The following IL1RAPL1 variants were observed in gnomAD, a reference collection of about 807,000 sequenced individuals.
IL1RAPL1 encodes the protein interleukin-1 receptor accessory protein-like 1.
In IL1RAPL1, 3 loss-of-function variants were observed where a neutral mutation model predicts 48.4. The observed-to-expected ratio is 0.06, with a 90% CI of 0.03 to 0.16. The LOEUF (loss-of-function observed/expected upper bound fraction) is 0.16. Ranked by LOEUF, IL1RAPL1 falls within the 10% of genes least tolerant of loss-of-function variation. IL1RAPL1 has a pLI of 1.00. For synonymous variants in IL1RAPL1, 185 were observed against 187.7 expected (o/e 0.99, Z 0.12); for missense variants, 349 against 530.6 (o/e 0.66, Z 3.36).
chrX:29,884,873 T>C (rs1233116453), intron 6 of IL1RAPL1, among the ~76,000 whole-genome samples: 2 of 111,526 alleles, frequency 1.8e-5, no homozygotes, highest in Non-Finnish European at 3.8e-5. Context: ...TTTTCATGCC[T>C]CTCACTTGAA....
At chrX:29,064,376 T>C (rs1473883940) in intron 2 of IL1RAPL1, among the ~76,000 whole-genome samples, 1 of 111,352 alleles carries the variant, frequency 9.0e-6, no homozygotes, top group Non-Finnish European at 1.9e-5. Flanking sequence ...CTTGTTTTTT[T>C]ATTATTTACA....
intron 5 of IL1RAPL1, among the ~76,000 whole-genome samples, chrX:29,538,636 C>T (rs373479210): frequency 4.5e-5 from 3 of 66,274 alleles, no homozygotes; most frequent in African/African-American, 2.2e-4. Context: ...CTGCTCCTGG[C>T]CAAGGTTTTT....
At chrX:29,424,318 GA>G (rs10711871) in intron 5 of IL1RAPL1, among the ~76,000 whole-genome samples, 4,283 of 98,224 alleles carry the variant, frequency 0.044, 257 homozygotes, top group African/African-American at 0.15. Context: ...AGGCTGGAAA[GA>G]AAAAAAAAAA....
intron 1 of IL1RAPL1, among the ~76,000 whole-genome samples, chrX:28,768,743 C>A (rs868130676): frequency 4.3e-5 from 3 of 69,411 alleles, no homozygotes; most frequent in African/African-American, 1.2e-4. Context: ...CTCTCTCTCT[C>A]TCTCTCTCTC....
chrX:29,580,474 C>G (rs910836608), intron 5 of IL1RAPL1, among the ~76,000 whole-genome samples: 31 of 111,695 alleles, frequency 2.8e-4, no homozygotes, highest in South Asian at 7.5e-4. Flanking sequence ...TGTTCTCTTA[C>G]AGTATTTTCC....
intron 5 of IL1RAPL1, among the ~76,000 whole-genome samples, chrX:29,439,851 GTTTT>G (rs760458968): frequency 3.3e-5 from 2 of 59,865 alleles, no homozygotes; most frequent in African/African-American, 7.1e-5. Context: ...TGTTTGTTTG[GTTTT>G]TTTTTTTTTT....
At chrX:28,867,836 A>C (rs7058621) in intron 2 of IL1RAPL1, among the ~76,000 whole-genome samples, 1 of 111,024 alleles carries the variant, frequency 9.0e-6, no homozygotes, top group Non-Finnish European at 1.9e-5. Flanking sequence ...CTTTACTTTC[A>C]GGGATTGCTT....
chrX:29,872,106 A>G (rs1931811877), intron 6 of IL1RAPL1, among the ~76,000 whole-genome samples: 1 of 111,982 alleles, frequency 8.9e-6, no homozygotes, highest in Admixed American at 9.5e-5. Context: ...AACCATCTGC[A>G]AGAAGAAGAA....
intron 5 of IL1RAPL1, among the ~76,000 whole-genome samples, chrX:29,552,168 C>T (rs1398171292): frequency 9.0e-6 from 1 of 111,218 alleles, no homozygotes; most frequent in Non-Finnish European, 1.9e-5. Flanking sequence ...TCCACCTCCC[C>T]TCCCCTTATG....
chrX:28,724,383 T>G (rs1291809742), intron 1 of IL1RAPL1, among the ~76,000 whole-genome samples: 1 of 111,624 alleles, frequency 9.0e-6, no homozygotes, highest in Admixed American at 9.5e-5. Flanking sequence ...TTTGTTGGTT[T>G]AAAGTCTGTT....
chrX:29,756,274 A>G (rs1928611212), intron 6 of IL1RAPL1, among the ~76,000 whole-genome samples: 1 of 112,178 alleles, frequency 8.9e-6, no homozygotes, highest in African/African-American at 3.2e-5. Flanking sequence ...ATGTTTGTAT[A>G]TGGGAAAATT....
In IL1RAPL1 at chrX:29,264,888, A is replaced by G. The variant is rs1038364896; in HGVS notation, c.83-18050A>G. ...GCTTTTGGTTTCATTAATTTTCTTT[A>G]TTGTAGAGTTCTGTTTCTTTAATTT... On this transcript the variant is annotated intron_variant, in intron 2 of 10. Coordinates refer to ENST00000378993, the MANE Select transcript of IL1RAPL1 (RefSeq NM_014271.4). Among the ~76,000 whole-genome samples the G allele has an allele frequency of 5.4e-5, 6 of 110,685 alleles. No individual in the cohort carries two copies. The Admixed American group carries it at 5.8e-4, about 11-fold the overall frequency.
chrX:29,196,630 C>G (rs909749679), intron 2 of IL1RAPL1, among the ~76,000 whole-genome samples: 1 of 110,649 alleles, frequency 9.0e-6, no homozygotes, highest in Non-Finnish European at 1.9e-5. Context: ...GACCTGGCAT[C>G]AGACTTACCC....
intron 8 of IL1RAPL1, among the ~76,000 whole-genome samples, chrX:29,937,370 C>A (rs1451463308): frequency 8.9e-6 from 1 of 112,059 alleles, no homozygotes; most frequent in African/African-American, 3.2e-5. Context: ...TGGGGCAACA[C>A]CATTTACATT....
At chrX:29,201,405 A>G (rs1930552297) in intron 2 of IL1RAPL1, among the ~76,000 whole-genome samples, 2 of 111,384 alleles carry the variant, frequency 1.8e-5, no homozygotes, top group African/African-American at 3.3e-5. Context: ...CAGTTTTTAT[A>G]GTCATTGTAA....
Position 28,753,272 on chromosome X carries a change from C to G in IL1RAPL1, c.-24-36048C>G, listed in dbSNP as rs1262181080. ...TATGGATATTATGTAAAGAAAGGAACTACTACAGGTAGATTTTTCTCACGT... is the reference window on the plus strand; with the variant it reads ...TATGGATATTATGTAAAGAAAGGAAGTACTACAGGTAGATTTTTCTCACGT... On this transcript the variant is annotated intron_variant, in intron 1 of 10. Transcript: ENST00000378993. 2.7e-5 allele frequency among the ~76,000 whole-genome samples: 3 copies of G among 112,340 alleles called. No individual in the cohort carries two copies. The Admixed American group carries it at 2.8e-4, about 11-fold the overall frequency.
At chrX:29,327,054 C>T (rs1422910414) in intron 3 of IL1RAPL1, among the ~76,000 whole-genome samples, 1 of 111,385 alleles carries the variant, frequency 9.0e-6, no homozygotes, top group Non-Finnish European at 1.9e-5. Context: ...CCATGATCCT[C>T]TTGAGAATTG....
chrX:29,854,087 G>C (rs1160056280), intron 6 of IL1RAPL1, among the ~76,000 whole-genome samples: 1 of 111,936 alleles, frequency 8.9e-6, no homozygotes, highest in African/African-American at 3.2e-5. Context: ...AGGTACGAAG[G>C]ATGACTTTCT....
chrX:29,065,157 T>C (rs1350421410), intron 2 of IL1RAPL1, among the ~76,000 whole-genome samples: 1 of 111,437 alleles, frequency 9.0e-6, no homozygotes, highest in Non-Finnish European at 1.9e-5. Context: ...TTATACTTTT[T>C]TTTTTTTAAT....
Sources: allele counts gnomAD v4.1 joint callset (sites outside exome capture counted in the v4.1 genomes callset), GRCh38; gene constraint gnomAD v4.1.1; transcripts MANE v1.5; gene names NCBI Gene and HGNC (gene_info 2026-07-23, HGNC 2026-07-21).